Variants in UNC13C observed in about 807,000 individuals in gnomAD.
UNC13C encodes unc-13 homolog C.
UNC13C carries 174 observed loss-of-function variants against 245.4 expected under a neutral mutation model. That is an observed-to-expected ratio of 0.71 (90% confidence interval 0.63 to 0.80). The LOEUF is 0.80. UNC13C is among the 30% of genes least tolerant of loss of function. The pLI is 0.00. For missense variants in UNC13C, 2,829 were observed against 2,602.9 expected, an observed-to-expected ratio of 1.09 and a Z score of -1.89; for synonymous variants, 992 against 895.1, an observed-to-expected ratio of 1.11 and a Z score of -1.93.
At chr15:53,859,874 AC>A in the UNC13C span, among the ~76,000 whole-genome samples, 1 of 152,054 alleles carries the variant, frequency 6.6e-6, no homozygotes, top group Non-Finnish European at 1.5e-5. Flanking sequence ...GTTTTCTCTA[AC>A]GGTTTTGGAC....
intron 30 of UNC13C, among the ~76,000 whole-genome samples, chr15:54,580,562 C>T (rs1566921417): frequency 6.6e-6 from 1 of 152,178 alleles, no homozygotes; most frequent in Non-Finnish European, 1.5e-5. Context: ...CCTCTCTAAG[C>T]CTCAATTTTG....
At chr15:54,320,737 C>A in intron 13 of UNC13C, 1 of 380,522 alleles carries the variant, frequency 2.6e-6, no homozygotes, top group East Asian at 7.0e-5. Flanking sequence ...AGATCTTCTG[C>A]CACTGCCATA....
chr15:53,938,206 A>G, the UNC13C span, among the ~76,000 whole-genome samples: 1 of 122,140 alleles, frequency 8.2e-6, no homozygotes, highest in Non-Finnish European at 1.8e-5. Context: ...GGAAAGCAGA[A>G]AAAAAAAGAG....
the UNC13C span, among the ~76,000 whole-genome samples, chr15:53,943,893 T>C: frequency 6.6e-6 from 1 of 152,130 alleles, no homozygotes; most frequent in African/African-American, 2.4e-5. Flanking sequence ...TAATTTTTTT[T>C]TCTCTGAAGT....
At chr15:54,005,418 G>A (rs1174623238) in intron 1 of UNC13C, among the ~76,000 whole-genome samples, 3 of 152,052 alleles carry the variant, frequency 2.0e-5, no homozygotes, top group African/African-American at 7.2e-5. Flanking sequence ...CAAGCTATGT[G>A]GCTTTGGACT....
At chr15:54,406,600 C>T (rs890886268) in intron 18 of UNC13C, among the ~76,000 whole-genome samples, 1 of 152,138 alleles carries the variant, frequency 6.6e-6, no homozygotes, top group Non-Finnish European at 1.5e-5. Context: ...CCCTTATTTT[C>T]ATCAGTTTGG....
intron 2 of UNC13C, among the ~76,000 whole-genome samples, chr15:54,133,199 A>G (rs895428109): frequency 2.0e-5 from 3 of 152,116 alleles, no homozygotes; most frequent in African/African-American, 7.2e-5. Flanking sequence ...TTCTTATTTT[A>G]CTTATATATG....
At chr15:54,344,636 A>G (rs550359230) in intron 17 of UNC13C, among the ~76,000 whole-genome samples, 1 of 152,308 alleles carries the variant, frequency 6.6e-6, no homozygotes, top group East Asian at 1.9e-4. Context: ...TTTTGAAGCC[A>G]TCTAGGAATA....
intron 27 of UNC13C, among the ~76,000 whole-genome samples, chr15:54,547,184 G>A (rs1228439504): frequency 6.6e-6 from 1 of 151,996 alleles, no homozygotes; most frequent in African/African-American, 2.4e-5. Context: ...GTATCCCTGT[G>A]CTTCTTTCTT....
chr15:54,343,903 T>A (rs1596256246), intron 17 of UNC13C, among the ~76,000 whole-genome samples: 1 of 151,260 alleles, frequency 6.6e-6, no homozygotes, highest in African/African-American at 2.4e-5. Context: ...TAAGGGGGGG[T>A]CCTGGCTAAC....
chr15:54,536,654 C>T (rs1052509975), intron 26 of UNC13C, among the ~76,000 whole-genome samples: 1 of 151,992 alleles, frequency 6.6e-6, no homozygotes, highest in Non-Finnish European at 1.5e-5. Flanking sequence ...GGATTTATTC[C>T]TAGGATGCAA....
At chr15:54,353,602 C>T (rs1049134047) in intron 17 of UNC13C, among the ~76,000 whole-genome samples, 1 of 152,206 alleles carries the variant, frequency 6.6e-6, no homozygotes, top group Non-Finnish European at 1.5e-5. Flanking sequence ...TTCATCTGTA[C>T]TGTGCCTAAA....
rs530547194 is a variant in UNC13C at position 54,390,218 on chromosome 15, C to G, written c.4714-2830C>G. ...ATATCATTTGTTATTTCAATACTGT[C>G]TTTTGCATGTAATGGCTCTTTCTAT... On this transcript the variant is annotated intron_variant, in intron 17 of 32. Transcript: ENST00000260323. Among the ~76,000 whole-genome samples the G allele has an allele frequency of 2.2e-4, 34 of 152,276 alleles. No individual in the cohort carries two copies. The South Asian group carries it at 6.8e-3, about 31-fold the overall frequency.
intron 2 of UNC13C, among the ~76,000 whole-genome samples, chr15:54,103,034 C>T (rs1434139238): frequency 6.6e-6 from 1 of 152,212 alleles, no homozygotes; most frequent in Non-Finnish European, 1.5e-5. Context: ...AGATTTTGTC[C>T]TCTGTGACTG....
chr15:54,405,445 A>G (rs1393832091), intron 18 of UNC13C, among the ~76,000 whole-genome samples: 1 of 152,178 alleles, frequency 6.6e-6, no homozygotes, highest in Non-Finnish European at 1.5e-5. Context: ...AAAAGGCAGA[A>G]GTATTCAATT....
intron 19 of UNC13C, among the ~76,000 whole-genome samples, chr15:54,485,822 C>T (rs75356826): frequency 1.4e-3 from 216 of 152,266 alleles, no homozygotes; most frequent in African/African-American, 4.7e-3. Context: ...GTATTCTCCA[C>T]CAGGAATGCT....
chr15:54,212,978 A>T (rs2034930456), intron 4 of UNC13C, among the ~76,000 whole-genome samples: 1 of 152,070 alleles, frequency 6.6e-6, no homozygotes, highest in African/African-American at 2.4e-5. Context: ...AACATTTTGG[A>T]TTAGAGACAT....
At chr15:53,861,200 A>G in the UNC13C span, among the ~76,000 whole-genome samples, 1 of 152,200 alleles carries the variant, frequency 6.6e-6, no homozygotes, top group Non-Finnish European at 1.5e-5. Context: ...GAATATGTTC[A>G]AGGACTCTAT....
At chr15:53,856,895 A>G in the UNC13C span, among the ~76,000 whole-genome samples, 9 of 152,058 alleles carry the variant, frequency 5.9e-5, no homozygotes, top group Non-Finnish European at 1.0e-4. Flanking sequence ...GTCTCCCATT[A>G]TTTTTGTATG....
Sources: gnomAD v4.1 joint callset for allele counts (sites outside exome capture counted in the v4.1 genomes callset) on GRCh38, gnomAD v4.1.1 for gene constraint, MANE v1.5 for transcripts, NCBI Gene and HGNC (gene_info 2026-07-23, HGNC 2026-07-21) for gene names.